The following PTPRQ variants were observed in gnomAD, a reference collection of about 807,000 sequenced individuals.
PTPRQ encodes the protein protein tyrosine phosphatase receptor type Q, also known as phosphatidylinositol phosphatase PTPRQ.
PTPRQ carries 199 observed loss-of-function variants against 246.0 expected under a neutral mutation model. That is an observed-to-expected ratio of 0.81 (90% CI 0.72 to 0.91). PTPRQ has a LOEUF of 0.91. PTPRQ is among the 40% of genes least tolerant of loss of function. PTPRQ has a pLI of 0.00. For synonymous variants in PTPRQ, 869 were observed against 853.2 expected (o/e 1.02, Z -0.32); for missense variants, 2,624 against 2,528.4 (o/e 1.04, Z -0.81).
At chr12:80,461,603 GTATT>G (rs1440120567) in intron 6 of PTPRQ, among the ~76,000 whole-genome samples, 1 of 150,048 alleles carries the variant, frequency 6.7e-6, no homozygotes, top group Non-Finnish European at 1.5e-5. Context: ...ATTACATAAG[GTATT>G]TATTATATAT....
chr12:80,539,054 T>G (rs1896071278), intron 19 of PTPRQ, among the ~76,000 whole-genome samples: 1 of 152,172 alleles, frequency 6.6e-6, no homozygotes, highest in South Asian at 2.1e-4. Flanking sequence ...TCTCCTTTTA[T>G]TTTAGAATTA....
Position 80,648,879 on chromosome 12 carries a change from A to T in PTPRQ, c.5916-18A>T. The T allele has an allele frequency of 6.5e-7, 1 of 1,529,278 alleles. No individual in the cohort carries two copies. Among genetic ancestry groups the T allele is most frequent in the Non-Finnish European group, 8.8e-7 (1 of 1,137,692 alleles). The allele number at this position is 1,529,278 out of a possible 1,614,324, so 94.7% of individuals were successfully genotyped here. A position where few individuals can be genotyped will look rare whatever the true frequency, so the allele number is the denominator to read the frequency against. On this transcript the variant is annotated intron_variant, in intron 35 of 44. Transcript: ENST00000644991. ...TCCACTCTGACTCACAATGCATTTA[A>T]CACAATCTCTATTGCAGGTTACTTA...
Position 80,506,006 on chromosome 12 carries a change from T to C in PTPRQ, c.2273-18T>C. 1 of 1,532,796 alleles carries C rather than the reference T, an allele frequency of 6.5e-7. No individual in the cohort carries two copies. The highest frequency in any genetic ancestry group is 8.8e-7 in the Non-Finnish European group (1 of 1,140,878). The allele number at this position is 1,532,796 out of a possible 1,614,324, so 94.9% of individuals were successfully genotyped here. A position where few individuals can be genotyped will look rare whatever the true frequency, so the allele number is the denominator to read the frequency against. On this transcript the variant is annotated intron_variant, in intron 14 of 44. Transcript: ENST00000644991. ...AGAATGGAATTGTTTTATGTATCTATATTTTTGTTTCTTTCAGTGCCTGAT... is the reference window on the plus strand; with the variant it reads ...AGAATGGAATTGTTTTATGTATCTACATTTTTGTTTCTTTCAGTGCCTGAT...
intron 33 of PTPRQ, among the ~76,000 whole-genome samples, chr12:80,629,595 C>G (rs549492982): frequency 9.2e-5 from 14 of 151,952 alleles, no homozygotes; most frequent in Non-Finnish European, 1.5e-4. Context: ...AGAGGGGTAA[C>G]AGGGGACCAG....
intron 19 of PTPRQ, among the ~76,000 whole-genome samples, chr12:80,537,378 A>G (rs1317346): frequency 0.55 from 83,505 of 152,074 alleles, 27,481 homozygotes; most frequent in Non-Finnish European, 0.72. Context: ...TATGTCATGC[A>G]TGGCATATCA....
rs1216631404 is a variant in PTPRQ, at chr12:80,461,015, A to G, written c.910+113A>G. Reference sequence around the variant, plus strand: ...ACCTTTCAGTAACTTTTTTCCCCTAATAATATACCATAGGCATCCCATCAA... The same window carrying G: ...ACCTTTCAGTAACTTTTTTCCCCTAGTAATATACCATAGGCATCCCATCAA... On this transcript the variant is annotated intron_variant, in intron 6 of 44. Transcript: ENST00000644991. The G allele has an allele frequency of 4.3e-5, 17 of 391,040 alleles. No individual in the cohort carries two copies. In the East Asian group the frequency reaches 6.2e-4, roughly 14 times the overall value. The allele number at this position is 391,040 out of a possible 1,614,324, so 24.2% of individuals were successfully genotyped here.
chr12:80,468,480 A>C (rs1047856821), intron 6 of PTPRQ, among the ~76,000 whole-genome samples: 2 of 152,208 alleles, frequency 1.3e-5, no homozygotes, highest in South Asian at 2.1e-4. Context: ...AGTAAACAGT[A>C]TTAAATAAAA....
intron 25 of PTPRQ, among the ~76,000 whole-genome samples, chr12:80,581,199 C>G (rs1285639945): frequency 2.0e-5 from 3 of 151,722 alleles, no homozygotes; most frequent in African/African-American, 7.3e-5. Context: ...TTAGCAAACT[C>G]TAGGGAGAGA....
intron 33 of PTPRQ, among the ~76,000 whole-genome samples, chr12:80,627,996 T>G (rs1899270148): frequency 6.6e-6 from 1 of 152,138 alleles, no homozygotes; most frequent in Non-Finnish European, 1.5e-5. Flanking sequence ...ATTTGGCCAG[T>G]GCTTTGAAAT....
At chr12:80,526,863 A>T (rs941728522) in intron 17 of PTPRQ, among the ~76,000 whole-genome samples, 10 of 152,078 alleles carry the variant, frequency 6.6e-5, no homozygotes, top group African/African-American at 9.7e-5. Context: ...CAGATATTTG[A>T]AACTATTGAA....
rs192388698 is a variant in PTPRQ, at chr12:80,460,495, A to C, written c.661-158A>C. Reference sequence around the variant, plus strand: ...TCCTCTTCTAAAACTGCAGACATAAATGGGTACAATTAAAATCTAGCAAAT... The same window carrying C: ...TCCTCTTCTAAAACTGCAGACATAACTGGGTACAATTAAAATCTAGCAAAT... On this transcript the variant is annotated intron_variant, in intron 5 of 44. Transcript: ENST00000644991. Among the ~76,000 whole-genome samples, 100 of 152,344 alleles carry C rather than the reference A, an allele frequency of 6.6e-4. 1 individual carries two copies. The highest frequency in any genetic ancestry group is 1.2e-3 in the Admixed American group (19 of 15,298).
intron 43 of PTPRQ, among the ~76,000 whole-genome samples, chr12:80,677,308 G>C (rs1476333441): frequency 1.3e-5 from 2 of 152,026 alleles, no homozygotes; most frequent in African/African-American, 4.8e-5. Context: ...GAATTACCTC[G>C]AGAAGTAACT....
At chr12:80,497,865 A>G (rs772922948) in intron 14 of PTPRQ, among the ~76,000 whole-genome samples, 1 of 152,118 alleles carries the variant, frequency 6.6e-6, no homozygotes, top group Non-Finnish European at 1.5e-5. Context: ...ATGGCCAAAT[A>G]TCAGCAATTT....
chr12:80,638,145 G>A (rs1025297226), intron 35 of PTPRQ, among the ~76,000 whole-genome samples: 1 of 151,906 alleles, frequency 6.6e-6, no homozygotes, highest in Non-Finnish European at 1.5e-5. Flanking sequence ...GCGCATGCCT[G>A]TAATCCCAGC....
chr12:80,622,182 G>A (rs897481107), intron 33 of PTPRQ, 48 bp downstream of exon 33: 1 of 1,277,964 alleles, frequency 7.8e-7, no homozygotes, highest in Non-Finnish European at 1.0e-6. Flanking sequence ...ATTTATCAAA[G>A]TTGGAACATT....
In PTPRQ at chr12:80,510,895, C is replaced by T. The variant is rs374237905; in HGVS notation, c.2678+452C>T. Among the ~76,000 whole-genome samples, 13 of 152,158 alleles carry T rather than the reference C, an allele frequency of 8.5e-5. No individual in the cohort carries two copies. The East Asian group carries it at 1.2e-3, about 14-fold the overall frequency. Reference sequence around the variant, plus strand: ...AATTTGAAATGTAAACAATGTATTTCGTTTCTGATCACTGTTACCCTGATT... The same window carrying T: ...AATTTGAAATGTAAACAATGTATTTTGTTTCTGATCACTGTTACCCTGATT... On this transcript the variant is annotated intron_variant, in intron 17 of 44. Transcript: ENST00000644991.
At chr12:80,559,630 A>G (rs1026574850) in intron 25 of PTPRQ, among the ~76,000 whole-genome samples, 8 of 152,332 alleles carry the variant, frequency 5.3e-5, no homozygotes, top group Admixed American at 5.2e-4. Context: ...TTCATTAATA[A>G]GGACTCTTCA....
intron 9 of PTPRQ, among the ~76,000 whole-genome samples, chr12:80,492,179 C>T (rs1894471158): frequency 6.6e-6 from 1 of 151,888 alleles, no homozygotes; most frequent in Non-Finnish European, 1.5e-5. Flanking sequence ...CAATAGGCTG[C>T]CATTCTTGCC....
At chr12:80,555,205 C>A (rs183377254) in intron 25 of PTPRQ, among the ~76,000 whole-genome samples, 2 of 151,956 alleles carry the variant, frequency 1.3e-5, no homozygotes, top group Admixed American at 6.6e-5. Context: ...CGTGAGCCAC[C>A]GCTCCCAGCC....
Sources: gnomAD v4.1 joint callset for allele counts (sites outside exome capture counted in the v4.1 genomes callset) on GRCh38, gnomAD v4.1.1 for gene constraint, MANE v1.5 for transcripts, NCBI Gene and HGNC (gene_info 2026-07-23, HGNC 2026-07-21) for gene names.